MECOM: variants seen among roughly 807,000 people sequenced by gnomAD.
MECOM encodes histone-lysine N-methyltransferase MECOM.
A neutral mutation model predicts 116.3 loss-of-function variants in MECOM; 13 were observed. That is an observed-to-expected ratio of 0.11 (90% CI 0.07 to 0.18). The LOEUF (loss-of-function observed/expected upper bound fraction) is 0.18. MECOM is among the 10% of genes least tolerant of loss of function. The probability of loss-of-function intolerance (pLI) is 1.00; values close to 1 mark genes in which losing one functional copy is unlikely to be tolerated. For synonymous variants in MECOM, 528 were observed against 535.2 expected (o/e 0.99, Z 0.19); for missense variants, 1,299 against 1,509.0 (o/e 0.86, Z 2.31).
intron 14 of MECOM, among the ~76,000 whole-genome samples, chr3:169,092,131 A>G (rs558592623): frequency 6.6e-6 from 1 of 152,212 alleles, no homozygotes; most frequent in South Asian, 2.1e-4. Flanking sequence ...GGTAACTGTT[A>G]AGTATTATCA....
chr3:169,594,239 C>G (rs116350761), intron 1 of MECOM, among the ~76,000 whole-genome samples: 1 of 150,112 alleles, frequency 6.7e-6, no homozygotes, highest in South Asian at 2.1e-4. Flanking sequence ...TTAAAACTAG[C>G]TGACCCTTTG....
intron 1 of MECOM, among the ~76,000 whole-genome samples, chr3:169,589,576 C>G (rs1329217959): frequency 6.6e-6 from 1 of 152,144 alleles, no homozygotes; most frequent in Non-Finnish European, 1.5e-5. Context: ...CCCCTCAGCT[C>G]TGGCATTTTA....
chr3:169,442,216 A>C (rs768530702), intron 1 of MECOM, among the ~76,000 whole-genome samples: 3 of 152,092 alleles, frequency 2.0e-5, no homozygotes, highest in Non-Finnish European at 2.9e-5. Flanking sequence ...ATGAGCCACC[A>C]TATCCAGCCA....
intron 1 of MECOM, among the ~76,000 whole-genome samples, chr3:169,609,062 C>T (rs949410798): frequency 6.6e-6 from 1 of 152,284 alleles, no homozygotes; most frequent in Non-Finnish European, 1.5e-5. Context: ...TTTCTGCTGA[C>T]CTTATCGACA....
rs62293302 is a variant in MECOM, at chr3:169,215,257, T to A, written c.376-71425A>T. On this transcript the variant is annotated intron_variant, in intron 2 of 16. Coordinates refer to ENST00000651503, the MANE Select transcript of MECOM (RefSeq NM_004991.4). ...CTCCTCTTTCCTTTTTTTTTTTTTT[T>A]AAAAAAGCAGACTTTCTTCAAAAGA... 7.2e-4 allele frequency among the ~76,000 whole-genome samples: 106 copies of A among 147,812 alleles called. 2 individuals are homozygous for A. The highest frequency in any genetic ancestry group is 3.2e-3 in the South Asian group (15 of 4,712).
rs961308329 is a variant in MECOM at position 169,538,302 on chromosome 3, G to A, written c.37+125034C>T. On this transcript the variant is annotated intron_variant, in intron 1 of 16. Coordinates refer to ENST00000651503, the MANE Select transcript of MECOM (RefSeq NM_004991.4). The stretch of plus-strand genomic sequence containing the variant: ...GCCTAATTATTCACCTACTTTCTTC[G>A]GATTGGGCCCAAGGTATACTTTTTT... Among the ~76,000 whole-genome samples the A allele has an allele frequency of 9.2e-5, 14 of 151,944 alleles. No individual in the cohort carries two copies. In the East Asian group the frequency reaches 9.7e-4, roughly 10 times the overall value.
intron 1 of MECOM, among the ~76,000 whole-genome samples, chr3:169,445,508 T>G (rs1201254800): frequency 6.6e-6 from 1 of 152,196 alleles, no homozygotes; most frequent in Non-Finnish European, 1.5e-5. Flanking sequence ...CGTATGGAAA[T>G]GCCTGGATGC....
In MECOM at chr3:169,534,959, G is replaced by T. The variant is rs1759168344; in HGVS notation, c.37+128377C>A. Reference sequence around the variant, plus strand: ...CAACCTCTCCATTTAGTCCCGAAAGGGAAATGTCGTTGTCCCCAGTTCTTT... The same window carrying T: ...CAACCTCTCCATTTAGTCCCGAAAGTGAAATGTCGTTGTCCCCAGTTCTTT... On this transcript the variant is annotated intron_variant, in intron 1 of 16. Transcript: ENST00000651503. 2.0e-5 allele frequency among the ~76,000 whole-genome samples: 3 copies of T among 152,196 alleles called. No individual in the cohort carries two copies. The South Asian group carries it at 6.2e-4, about 32-fold the overall frequency.
chr3:169,266,873 A>AAG (rs200798277), intron 2 of MECOM, among the ~76,000 whole-genome samples: 1 of 151,868 alleles, frequency 6.6e-6, no homozygotes, highest in Non-Finnish European at 1.5e-5. Context: ...ATTATAGGGA[A>AAG]AGAGAGAGAG....
intron 2 of MECOM, among the ~76,000 whole-genome samples, chr3:169,266,701 T>C (rs540393148): frequency 1.3e-5 from 2 of 152,328 alleles, no homozygotes; most frequent in Non-Finnish European, 2.9e-5. Context: ...GAGGACATAC[T>C]ATTAAAGGAA....
chr3:169,385,357 CT>C (rs1264410840), intron 1 of MECOM, among the ~76,000 whole-genome samples: 1 of 152,078 alleles, frequency 6.6e-6, no homozygotes, highest in Non-Finnish European at 1.5e-5. Flanking sequence ...TAAAGAACAA[CT>C]TACATAGGTC....
intron 1 of MECOM, among the ~76,000 whole-genome samples, chr3:169,556,518 CTTAAGATAG>C (rs1762052078): frequency 6.6e-6 from 1 of 152,214 alleles, no homozygotes; most frequent in South Asian, 2.1e-4. Context: ...TAGCCAGACT[CTTAAGATAG>C]CACCAGTGAT....
intron 1 of MECOM, among the ~76,000 whole-genome samples, chr3:169,592,591 CA>C (rs1191228140): frequency 9.9e-5 from 15 of 152,148 alleles, no homozygotes; most frequent in African/African-American, 3.4e-4. Context: ...AACTTTTATC[CA>C]AGCACATGAG....
At chr3:169,593,069 C>T (rs1302978746) in intron 1 of MECOM, among the ~76,000 whole-genome samples, 1 of 151,976 alleles carries the variant, frequency 6.6e-6, no homozygotes, top group Non-Finnish European at 1.5e-5. Context: ...GAATTAAATT[C>T]CTATTGAGAA....
chr3:169,365,046 G>C (rs1479120489), intron 2 of MECOM, among the ~76,000 whole-genome samples: 2 of 151,970 alleles, frequency 1.3e-5, no homozygotes, highest in East Asian at 3.9e-4. Context: ...ATCATCCATT[G>C]GGCAAGAAAT....
chr3:169,290,471 C>T (rs908140857), intron 2 of MECOM, among the ~76,000 whole-genome samples: 2 of 151,988 alleles, frequency 1.3e-5, no homozygotes, highest in African/African-American at 2.4e-5. Flanking sequence ...TTTGTAGAGA[C>T]CATGAATGTG....
intron 2 of MECOM, among the ~76,000 whole-genome samples, chr3:169,209,511 A>G (rs1332914861): frequency 6.6e-6 from 1 of 152,160 alleles, no homozygotes; most frequent in East Asian, 1.9e-4. Flanking sequence ...ATTTACGAGA[A>G]AAAAACAAAC....
chr3:169,307,192 C>T (rs192522222), intron 2 of MECOM, among the ~76,000 whole-genome samples: 31 of 152,268 alleles, frequency 2.0e-4, no homozygotes, highest in African/African-American at 7.2e-4. Flanking sequence ...TTCTTTCTCC[C>T]TCCAAATAAA....
intron 2 of MECOM, among the ~76,000 whole-genome samples, chr3:169,320,637 T>C (rs1720690534): frequency 6.6e-6 from 1 of 152,248 alleles, no homozygotes; most frequent in Admixed American, 6.5e-5. Flanking sequence ...GAACCCATAA[T>C]ATTTTCAAGA....
Sources: gnomAD v4.1 joint callset for allele counts (sites outside exome capture counted in the v4.1 genomes callset) on GRCh38, gnomAD v4.1.1 for gene constraint, MANE v1.5 for transcripts, NCBI Gene and HGNC (gene_info 2026-07-23, HGNC 2026-07-21) for gene names.